The following ELMOD2 variants were observed in gnomAD, a reference collection of about 807,000 sequenced individuals.
The protein encoded by ELMOD2 is ELMO domain containing 2.
A neutral mutation model predicts 41.0 loss-of-function variants in ELMOD2; 28 were observed. The ratio of observed to expected loss-of-function variants is 0.68; its 90% confidence interval spans 0.51 to 0.94. The LOEUF is 0.94. Ranked by LOEUF, ELMOD2 falls within the 40% of genes least tolerant of loss-of-function variation. The pLI is 0.00. For synonymous variants in ELMOD2, 106 were observed against 107.2 expected (o/e 0.99, Z 0.07); for missense variants, 333 against 343.1 (o/e 0.97, Z 0.23).
chr4:140,530,360 C>G (rs1197169323), intron 3 of ELMOD2, among the ~76,000 whole-genome samples: 2 of 152,126 alleles, frequency 1.3e-5, no homozygotes, highest in Admixed American at 6.5e-5. Context: ...AGTATTCAAC[C>G]AGGGTCTTTG....
At chr4:140,549,485 T>G (rs759468550) in intron 8 of ELMOD2, among the ~76,000 whole-genome samples, 1 of 151,888 alleles carries the variant, frequency 6.6e-6, no homozygotes, top group Non-Finnish European at 1.5e-5. Context: ...TTAGAGTGGA[T>G]GTATTTTTTT....
chr4:140,544,598 C>G (rs1400703140), intron 8 of ELMOD2, among the ~76,000 whole-genome samples: 4 of 152,164 alleles, frequency 2.6e-5, no homozygotes, highest in African/African-American at 9.7e-5. Context: ...TAAGGCCCTG[C>G]ATAATCTGAA....
chr4:140,540,174 A>G lies in ELMOD2; in HGVS notation c.406A>G (p.Asn136Asp). The G allele has an allele frequency of 6.2e-7, 1 of 1,613,946 alleles. No homozygotes were observed. The highest frequency in any genetic ancestry group is 8.5e-7 in the Non-Finnish European group (1 of 1,179,928). The change falls in exon 6 of 9, where the codon AAT (asparagine) becomes GAT (aspartate). Residue 136 changes from asparagine to aspartate, a missense_variant. Coordinates refer to ENST00000323570, the MANE Select transcript of ELMOD2 (RefSeq NM_153702.4). ...QHEELLMKLW[N>D]LLMPTKKLNA... ...TGGAAATATATTTGTACAGCTTTGG[A>G]ATCTTCTAATGCCCACGAAGAAGTT...
intron 7 of ELMOD2, 89 bp downstream of exon 7, chr4:140,542,731 C>A: frequency 4.1e-6 from 4 of 972,218 alleles, no homozygotes; most frequent in South Asian, 1.9e-5. Context: ...CAAGGTATTT[C>A]TTAAAATAAA....
rs1734608129 is a variant in ELMOD2, at chr4:140,527,507, A to AAAGGT, written c.171+14_171+18dup. ...CTCCAAGAATAAGGTAGGATAACATAAAGGTGGTAACTCTAGAAAACTTAA... is the reference window on the plus strand; with the variant it reads ...CTCCAAGAATAAGGTAGGATAACATAAAGGTAAGGTGGTAACTCTAGAAAACTTAA... On this transcript the variant is annotated intron_variant, in intron 3 of 8. Coordinates refer to ENST00000323570, the MANE Select transcript of ELMOD2 (RefSeq NM_153702.4). 6 of 1,571,858 alleles carry AAAGGT rather than the reference A, an allele frequency of 3.8e-6. No homozygotes were observed. Among genetic ancestry groups the AAAGGT allele is most frequent in the African/African-American group, 1.4e-5 (1 of 71,704 alleles).
chr4:140,539,978 C>G (rs1578768231), intron 5 of ELMOD2, among the ~76,000 whole-genome samples, 190 bp from the exon 6 acceptor site: 1 of 152,100 alleles, frequency 6.6e-6, no homozygotes, highest in Non-Finnish European at 1.5e-5. Flanking sequence ...GTTATCTTTT[C>G]AAAATCTGTT....
intron 8 of ELMOD2, among the ~76,000 whole-genome samples, chr4:140,546,855 G>A (rs947371516): frequency 6.6e-6 from 1 of 152,110 alleles, no homozygotes; most frequent in Non-Finnish European, 1.5e-5. Flanking sequence ...AAAAGTCATT[G>A]TAGAACCCTT....
chr4:140,549,738 T>G lies in ELMOD2; in HGVS notation c.737-492T>G, dbSNP rs986016427. Among the ~76,000 whole-genome samples, 9 of 124,340 alleles carry G rather than the reference T, an allele frequency of 7.2e-5. No homozygotes were observed. In the Admixed American group the frequency reaches 9.4e-4, roughly 13 times the overall value. 81.6% of individuals were successfully genotyped at this position (124,340 alleles called of 152,430 possible). ...AGATAGGTTCTCAACCAAGCTGGAA[T>G]GCAGTGGTACAATCACGGCTCACTG... On this transcript the variant is annotated intron_variant, in intron 8 of 8. Transcript: ENST00000323570.
intron 8 of ELMOD2, among the ~76,000 whole-genome samples, chr4:140,545,199 G>A (rs574018744): frequency 7.2e-5 from 11 of 151,962 alleles, no homozygotes; most frequent in African/African-American, 2.7e-4. Flanking sequence ...CCTTTTAGTG[G>A]CACTGGGCAT....
intron 6 of ELMOD2, among the ~76,000 whole-genome samples, chr4:140,540,695 C>A (rs1735077944): frequency 6.7e-6 from 1 of 150,080 alleles, no homozygotes; most frequent in Non-Finnish European, 1.5e-5. Flanking sequence ...TACAGTGAGT[C>A]ATGATTGTGC....
intron 8 of ELMOD2, among the ~76,000 whole-genome samples, chr4:140,548,759 G>A (rs1415341326): frequency 6.6e-6 from 1 of 152,100 alleles, no homozygotes; most frequent in East Asian, 1.9e-4. Context: ...TGAGCATTTA[G>A]TGAGCACTGT....
At chr4:140,527,844 A>G (rs2110819825) in intron 3 of ELMOD2, 1 of 199,822 alleles carries the variant, frequency 5.0e-6, no homozygotes. Context: ...GATAGAGAAA[A>G]CCCTGGGTTG....
At chr4:140,548,297 T>G (rs1185136064) in intron 8 of ELMOD2, among the ~76,000 whole-genome samples, 1 of 152,180 alleles carries the variant, frequency 6.6e-6, no homozygotes, top group Non-Finnish European at 1.5e-5. Flanking sequence ...GGCAGAACAT[T>G]AATCTCTAAA....
rs748077962 is a variant in ELMOD2 at position 140,525,420 on chromosome 4, G to GA, written c.1dup. The GA allele has an allele frequency of 2.9e-4, 455 of 1,594,004 alleles. No individual in the cohort carries two copies. The highest frequency in any genetic ancestry group is 6.8e-4 in the South Asian group (61 of 89,054). The stretch of plus-strand genomic sequence containing the variant: ...TGTCTTGTATGTTTCCCTCCTCCAG[G>GA]AAAAAAAAATGTTTATTTCTTTGTG... On this transcript the variant is annotated splice_region_variant and 5_prime_UTR_variant, in exon 2 of 9. Transcript: ENST00000323570.
chr4:140,531,201 A>G (rs1734734850), intron 3 of ELMOD2, among the ~76,000 whole-genome samples: 1 of 152,206 alleles, frequency 6.6e-6, no homozygotes, highest in Admixed American at 6.5e-5. Flanking sequence ...TAATCTATTC[A>G]GAGTGATTCC....
intron 6 of ELMOD2, 125 bp downstream of exon 6, chr4:140,540,426 C>CT: frequency 7.9e-7 from 1 of 1,271,702 alleles, no homozygotes; most frequent in Non-Finnish European, 1.1e-6. Context: ...AACTGCAGTG[C>CT]TGGAAGTATT....
intron 5 of ELMOD2, among the ~76,000 whole-genome samples, chr4:140,539,447 C>T (rs554144450): frequency 2.0e-4 from 30 of 151,882 alleles, no homozygotes; most frequent in South Asian, 1.9e-3. Flanking sequence ...CTGCAAGCTC[C>T]GCCTCCCGGG....
intron 8 of ELMOD2, among the ~76,000 whole-genome samples, chr4:140,549,848 G>A (rs1303424522): frequency 2.0e-5 from 3 of 151,744 alleles, no homozygotes; most frequent in Non-Finnish European, 2.9e-5. Context: ...ACCATGCCTG[G>A]CTAATTTTTG....
chr4:140,534,930 TG>T (rs1417618426), intron 3 of ELMOD2, among the ~76,000 whole-genome samples: 1 of 152,182 alleles, frequency 6.6e-6, no homozygotes, highest in African/African-American at 2.4e-5. Context: ...GCAAAAGGTA[TG>T]GCTTTTGCCA....
Sources: gnomAD v4.1 joint callset for allele counts (sites outside exome capture counted in the v4.1 genomes callset) on GRCh38, gnomAD v4.1.1 for gene constraint, MANE v1.5 for transcripts, NCBI Gene and HGNC (gene_info 2026-07-23, HGNC 2026-07-21) for gene names.